RC3H2: variants seen among roughly 807,000 people sequenced by gnomAD.
RC3H2 encodes roquin-2.
A neutral mutation model predicts 133.3 loss-of-function variants in RC3H2; 31 were observed. The ratio of observed to expected loss-of-function variants is 0.23; its 90% CI spans 0.17 to 0.31. The LOEUF is 0.31. Ranked by LOEUF, RC3H2 falls within the 10% of genes least tolerant of loss-of-function variation. The probability of loss-of-function intolerance (pLI) is 1.00; values close to 1 mark genes in which losing one functional copy is unlikely to be tolerated. For synonymous variants in RC3H2, 517 were observed against 502.2 expected (o/e 1.03, Z -0.40); for missense variants, 1,175 against 1,437.2 (o/e 0.82, Z 2.95).
intron 14 of RC3H2, 130 bp from the exon 15 acceptor site, chr9:122,855,527 C>A: frequency 3.1e-6 from 3 of 954,166 alleles, no homozygotes; most frequent in South Asian, 3.5e-5. Flanking sequence ...CAACGATAAT[C>A]CAACAAACTA....
rs1564322863 is a variant in RC3H2, at chr9:122,899,090, G to GGTTTTTTTTTTTTTTTTTTTTTTTTTTT, written c.-67-1515_-67-1514insAAAAAAAAAAAAAAAAAAAAAAAAAAAC. ...AAAAAATTCTATTAGCCTTTATTGT[G>GGTTTTTTTTTTTTTTTTTTTTTTTTTTT]TTTTTTTTTTTTTTTTTTTTTTTTT... On this transcript the variant is annotated intron_variant, in intron 1 of 20. Transcript: ENST00000357244. Among the ~76,000 whole-genome samples the GGTTTTTTTTTTTTTTTTTTTTTTTTTTT allele has an allele frequency of 5.7e-5, 5 of 88,410 alleles. 2 individuals carry two copies. Among genetic ancestry groups the GGTTTTTTTTTTTTTTTTTTTTTTTTTTT allele is most frequent in the African/African-American group, 4.8e-5 (1 of 20,762 alleles). 58.0% of individuals were successfully genotyped at this position (88,410 alleles called of 152,430 possible). A position where few individuals can be genotyped will look rare whatever the true frequency, so the allele number is the denominator to read the frequency against.
chr9:122,869,466 G>C (rs556093896), intron 9 of RC3H2, among the ~76,000 whole-genome samples: 1 of 151,956 alleles, frequency 6.6e-6, no homozygotes, highest in Admixed American at 6.6e-5. Context: ...GCAGAGGAAG[G>C]TGATGCTCAA....
intron 9 of RC3H2, among the ~76,000 whole-genome samples, chr9:122,871,635 T>G (rs998943986): frequency 3.3e-5 from 5 of 152,050 alleles, no homozygotes; most frequent in African/African-American, 9.7e-5. Context: ...ATGTTGTATC[T>G]TCTAAGAGTC....
chr9:122,851,942 C>T (rs1363189036), intron 18 of RC3H2, among the ~76,000 whole-genome samples: 1 of 152,124 alleles, frequency 6.6e-6, no homozygotes, highest in Non-Finnish European at 1.5e-5. Context: ...TGAGGAGCGT[C>T]TCTGCCTGGC....
chr9:122,852,423 G>C (rs1229166082), intron 18 of RC3H2, among the ~76,000 whole-genome samples: 1 of 140,902 alleles, frequency 7.1e-6, no homozygotes. Flanking sequence ...TCAGCCCCCC[G>C]CCTGGCCAGC....
chr9:122,904,273 AT>A (rs1392415842), intron 1 of RC3H2, among the ~76,000 whole-genome samples: 1 of 152,180 alleles, frequency 6.6e-6, no homozygotes, highest in Admixed American at 6.5e-5. Context: ...ACTGGATTAG[AT>A]TTACTTTATG....
At position 122,846,213 on chromosome 9, in the gene RC3H2, A is replaced by G. The variant is rs1322758589; in HGVS notation, c.*3414T>C. 1 of 152,258 alleles carries G rather than the reference A, an allele frequency of 6.6e-6. No individual in the cohort carries two copies. Among genetic ancestry groups the G allele is most frequent in the Non-Finnish European group, 1.5e-5 (1 of 68,036 alleles). The allele number at this position is 152,258 out of a possible 1,614,324, so 9.4% of individuals were successfully genotyped here. The stretch of plus-strand genomic sequence containing the variant: ...ATACTTAACCTCAAATTGAAATCTG[A>G]AAGTGACTAGATCCATACAAATGGA... On this transcript the variant is annotated 3_prime_UTR_variant, in exon 21 of 21. Transcript: ENST00000357244.
intron 11 of RC3H2, 63 bp downstream of exon 11, chr9:122,859,849 ACTATT>A (rs1414150156): frequency 4.0e-6 from 5 of 1,260,520 alleles, no homozygotes; most frequent in Non-Finnish European, 5.8e-6. Flanking sequence ...ACATTCTAGA[ACTATT>A]CATTCATTTA....
chr9:122,875,430 T>C, intron 9 of RC3H2: 1 of 1,453,450 alleles, frequency 6.9e-7, no homozygotes, highest in Non-Finnish European at 9.1e-7. Flanking sequence ...GTAAAGGGTT[T>C]TTATAAATAA....
Position 122,880,787 on chromosome 9 carries a change from T to C in RC3H2, c.767A>G (p.Lys256Arg), listed in dbSNP as rs749018631. ...CATTAGGGAAGAGTCTTCATCTCTT[T>C]TGGTAACCTAAAAAATAGAAAAGAG... ...LYRASCFKVT[K>R]RDEDSSLMQL... Residue 256 changes from lysine to arginine, a missense_variant, in exon 6 of 21, where the codon AAA becomes AGA. Around this residue, in one of 8 missense-constraint regions of RC3H2, gnomAD observed 121 missense variants for 243.5 expected, o/e 0.50. Coordinates refer to ENST00000357244, the MANE Select transcript of RC3H2 (RefSeq NM_001100588.3). 1.9e-6 allele frequency: 3 copies of C among 1,612,606 alleles called. No homozygotes were observed. Among genetic ancestry groups the C allele is most frequent in the Admixed American group, 1.7e-5 (1 of 60,002 alleles).
rs1005153896 is a variant in RC3H2, at chr9:122,893,131, G to T, written c.232-105C>A. The T allele has an allele frequency of 6.5e-6, 9 of 1,374,186 alleles. No homozygotes were observed. The East Asian group carries it at 9.6e-5, about 15-fold the overall frequency. The allele number at this position is 1,374,186 out of a possible 1,614,324, so 85.1% of individuals were successfully genotyped here. On this transcript the variant is annotated intron_variant, in intron 2 of 20. Coordinates refer to ENST00000357244, the MANE Select transcript of RC3H2 (RefSeq NM_001100588.3). ...ATCTTGGTGAGTATAAAATTATCATGCATAGATAATACATGAAAGCCATTT... is the reference window on the plus strand; with the variant it reads ...ATCTTGGTGAGTATAAAATTATCATTCATAGATAATACATGAAAGCCATTT...
intron 10 of RC3H2, 51 bp downstream of exon 10, chr9:122,865,298 T>C: frequency 1.4e-6 from 2 of 1,479,278 alleles, no homozygotes; most frequent in Non-Finnish European, 1.8e-6. Flanking sequence ...CACTCAGGCA[T>C]TTCTAAAAAG....
In RC3H2 at chr9:122,858,951, C is replaced by T; in HGVS notation, c.2001G>A (p.Met667Ile). Reference protein sequence around the residue: ...HYSTFSPRDRMNSSPYQPPPP... With the variant: ...HYSTFSPRDRINSSPYQPPPP... ...GAGGAGGCTGGTAAGGAGAAGAATT[C>T]ATTCGATCTCGAGGGGAAAATGTAC... The change falls in exon 12 of 21, where the codon ATG becomes ATA. Residue 667 changes from methionine (M) to isoleucine (I), a missense_variant. By Grantham distance (10) the Met-to-Ile change is conservative (BLOSUM62 1). Transcript: ENST00000357244. 6.2e-7 allele frequency: 1 copy of T among 1,614,140 alleles called. No individual in the cohort carries two copies. The highest frequency in any genetic ancestry group is 8.5e-7 in the Non-Finnish European group (1 of 1,180,030).
chr9:122,859,478 G>C (rs1005965678), intron 11 of RC3H2, among the ~76,000 whole-genome samples: 1 of 151,968 alleles, frequency 6.6e-6, no homozygotes, highest in African/African-American at 2.4e-5. Context: ...ACACAACAGA[G>C]CTATTAACAG....
Position 122,858,674 on chromosome 9 carries a change from G to T in RC3H2, c.2278C>A (p.Pro760Thr), listed in dbSNP as rs745666844. 2 of 1,606,690 alleles carry T rather than the reference G, an allele frequency of 1.2e-6. No homozygotes were observed. Among genetic ancestry groups the T allele is most frequent in the Admixed American group, 3.3e-5 (2 of 59,926 alleles). ...ATAGTAGCATCTTCACTTACCCTTG[G>T]TAAAGGCACAGTTGTCCTTGGCTCA... ...PSEPRTTVPL[P>T]REPCGHLKTS... The change falls in exon 12 of 21, where the codon CCA becomes ACA. Residue 760 changes from proline (P) to threonine (T), a missense_variant. Transcript: ENST00000357244.
rs373518954 is a variant in RC3H2, at chr9:122,855,164, G to A, written c.2815+20C>T. ...TAGTGCTTAGAACATATCAGGCTAGGTATTATCTAAATGGATTACCTGATA... is the reference window on the plus strand; with the variant it reads ...TAGTGCTTAGAACATATCAGGCTAGATATTATCTAAATGGATTACCTGATA... On this transcript the variant is annotated intron_variant, in intron 15 of 20. Coordinates refer to ENST00000357244, the MANE Select transcript of RC3H2 (RefSeq NM_001100588.3). The A allele has an allele frequency of 3.3e-6, 5 of 1,520,366 alleles. No individual in the cohort carries two copies. The African/African-American group carries it at 6.9e-5, about 21-fold the overall frequency. The allele number at this position is 1,520,366 out of a possible 1,614,324, so 94.2% of individuals were successfully genotyped here.
rs957324228 is a variant in RC3H2 at position 122,892,936 on chromosome 9, A to G, written c.322T>C (p.Tyr108His). 2.5e-6 allele frequency: 4 copies of G among 1,613,430 alleles called. No individual in the cohort carries two copies. The highest frequency in any genetic ancestry group is 3.4e-6 in the Non-Finnish European group (4 of 1,179,760). ...AKKCVEDLAL[Y>H]LKPLSGGKGV... Reference sequence around the variant, plus strand: ...TTACCTCCACTTAGTGGTTTTAAGTAGAGTGCCAAATCCTCAACGCATTTC... The same window carrying G: ...TTACCTCCACTTAGTGGTTTTAAGTGGAGTGCCAAATCCTCAACGCATTTC... Residue 108 changes from tyrosine to histidine, a missense_variant, in exon 3 of 21, where the codon TAC becomes CAC. By Grantham distance (83) the Tyr-to-His change is moderately conservative. Transcript: ENST00000357244.
chr9:122,856,864 T>C (rs1464512605), intron 13 of RC3H2, among the ~76,000 whole-genome samples: 3 of 152,214 alleles, frequency 2.0e-5, no homozygotes, highest in African/African-American at 4.8e-5. Context: ...TGAAGCATAA[T>C]TGTATATCAA....
At chr9:122,879,626 A>C in intron 8 of RC3H2, 129 bp downstream of exon 8, 1 of 638,760 alleles carries the variant, frequency 1.6e-6, no homozygotes. Context: ...GGTTCCTCCC[A>C]AAAGAATAGA....
Sources: allele counts gnomAD v4.1 joint callset (sites outside exome capture counted in the v4.1 genomes callset), GRCh38; gene constraint gnomAD v4.1.1; regional missense constraint gnomAD v4.1.1; transcripts MANE v1.5; gene names NCBI Gene and HGNC (gene_info 2026-07-23, HGNC 2026-07-21).